The following LRRK1 variants were observed in gnomAD, a reference collection of about 807,000 sequenced individuals.
LRRK1 encodes the protein leucine-rich repeat serine/threonine-protein kinase 1.
A neutral mutation model predicts 209.1 loss-of-function variants in LRRK1; 113 were observed. The observed-to-expected ratio is 0.54, with a 90% CI of 0.46 to 0.63. LRRK1 has a LOEUF of 0.63. Ranked by LOEUF, LRRK1 falls within the 30% of genes least tolerant of loss-of-function variation. LRRK1 has a pLI of 0.00. For synonymous variants in LRRK1, 1,144 were observed against 1,099.7 expected, an observed-to-expected ratio of 1.04 and a Z score of -0.80; for missense variants, 2,284 against 2,632.2, an observed-to-expected ratio of 0.87 and a Z score of 2.89.
At chr15:100,955,942 T>C (rs1464506061) in intron 2 of LRRK1, among the ~76,000 whole-genome samples, 1 of 152,196 alleles carries the variant, frequency 6.6e-6, no homozygotes, top group African/African-American at 2.4e-5. Flanking sequence ...TATTGGTCTG[T>C]AATTTTCTTT....
chr15:100,923,455 C>T (rs1339205718), intron 1 of LRRK1, among the ~76,000 whole-genome samples: 1 of 152,236 alleles, frequency 6.6e-6, no homozygotes, highest in Non-Finnish European at 1.5e-5. Context: ...TCTGAGAGAA[C>T]ACAGACAAGA....
rs2036952114 is a variant in LRRK1, at chr15:101,075,498, C to T, written c.*6650C>T. The stretch of plus-strand genomic sequence containing the variant: ...TGCACCCCTTACCATCTCATCGAAA[C>T]CTAATCACCCTTACCCCGCTCAACA... On this transcript the variant is annotated 3_prime_UTR_variant, in exon 34 of 34. Coordinates refer to ENST00000388948, the MANE Select transcript of LRRK1 (RefSeq NM_024652.6). 8.3e-6 allele frequency: 1 copy of T among 120,726 alleles called. No homozygotes were observed. 7.5% of individuals were successfully genotyped at this position (120,726 alleles called of 1,614,324 possible). A position where few individuals can be genotyped will look rare whatever the true frequency, so the allele number is the denominator to read the frequency against.
rs1016455051 is a variant in LRRK1, at chr15:101,073,619, C to T, written c.*4771C>T. ...ACCTCTTATCTCTGTGCCCCAATCCCTTATTTCCATGCCCCCACCTCTTAT... is the reference window on the plus strand; with the variant it reads ...ACCTCTTATCTCTGTGCCCCAATCCTTTATTTCCATGCCCCCACCTCTTAT... On this transcript the variant is annotated 3_prime_UTR_variant, in exon 34 of 34. Transcript: ENST00000388948. 2 of 152,168 alleles carry T rather than the reference C, an allele frequency of 1.3e-5. No homozygotes were observed. The highest frequency in any genetic ancestry group is 2.9e-5 in the Non-Finnish European group (2 of 68,044). 9.4% of individuals were successfully genotyped at this position (152,168 alleles called of 1,614,324 possible).
intron 2 of LRRK1, among the ~76,000 whole-genome samples, chr15:100,944,216 G>C (rs192563645): frequency 1.3e-5 from 2 of 152,274 alleles, no homozygotes; most frequent in African/African-American, 4.8e-5. Flanking sequence ...TTCAGCCAGA[G>C]CTTGTACTAA....
chr15:100,998,953 ACCT>A (rs1467427136), intron 6 of LRRK1, among the ~76,000 whole-genome samples: 4 of 152,102 alleles, frequency 2.6e-5, no homozygotes, highest in Non-Finnish European at 5.9e-5. Context: ...GTATGCAGTA[ACCT>A]CCTTTCTGTT....
At chr15:101,047,673 T>C (rs1020313447) in intron 21 of LRRK1, among the ~76,000 whole-genome samples, 1 of 152,234 alleles carries the variant, frequency 6.6e-6, no homozygotes, top group Admixed American at 6.5e-5. Context: ...AGCAAAAAGC[T>C]GAGCCGTAAT....
chr15:101,053,491 G>A (rs917347123), intron 26 of LRRK1, 71 bp downstream of exon 26: 2 of 1,364,510 alleles, frequency 1.5e-6, no homozygotes, highest in African/African-American at 2.9e-5. Flanking sequence ...CCTGGCACGG[G>A]GGGTAGAGCC....
chr15:101,022,680 A>T lies in LRRK1; in HGVS notation c.2067+83A>T. 1 of 1,031,710 alleles carries T rather than the reference A, an allele frequency of 9.7e-7. No homozygotes were observed. The allele number at this position is 1,031,710 out of a possible 1,614,324, so 63.9% of individuals were successfully genotyped here. ...CTTCTCCCTTCTCCCCAGAGAGCCC[A>T]GGATTTTCTCAGCCTGGTGTCCAAA... On this transcript the variant is annotated intron_variant, in intron 15 of 33. Transcript: ENST00000388948. This position sits in a 1 kb window ranked among gnomAD's most constrained non-coding sequence, Gnocchi z 4.0.
At chr15:100,924,801 A>G in intron 2 of LRRK1, 72 bp downstream of exon 2, 7 of 1,130,190 alleles carry the variant, frequency 6.2e-6, no homozygotes, top group Non-Finnish European at 8.0e-6. Flanking sequence ...TGTCTAGGCT[A>G]TGTAAGAACA....
chr15:101,014,054 G>T lies in LRRK1; in HGVS notation c.1420-262G>T, dbSNP rs1214639847. Among the ~76,000 whole-genome samples, 3 of 152,228 alleles carry T rather than the reference G, an allele frequency of 2.0e-5. No individual in the cohort carries two copies. The East Asian group carries it at 5.8e-4, about 29-fold the overall frequency. The stretch of plus-strand genomic sequence containing the variant: ...ATCCTTAATGCTGACAGCTGCTTGG[G>T]CTCCTTTCACTCTAGAATAATTGCC... On this transcript the variant is annotated intron_variant, in intron 10 of 33. Coordinates refer to ENST00000388948, the MANE Select transcript of LRRK1 (RefSeq NM_024652.6).
intron 6 of LRRK1, among the ~76,000 whole-genome samples, chr15:101,003,453 A>G (rs977993913): frequency 2.6e-5 from 4 of 152,226 alleles, no homozygotes; most frequent in Admixed American, 1.3e-4. Flanking sequence ...TGATAAAAAC[A>G]TACTTGAGAC....
At chr15:100,978,792 A>G (rs945040909) in intron 3 of LRRK1, among the ~76,000 whole-genome samples, 1 of 152,220 alleles carries the variant, frequency 6.6e-6, no homozygotes, top group Non-Finnish European at 1.5e-5. Flanking sequence ...ACAGGTTCAG[A>G]TGGCTTCACT....
At chr15:101,045,730 G>A (rs967975464) in intron 20 of LRRK1, among the ~76,000 whole-genome samples, 1 of 152,148 alleles carries the variant, frequency 6.6e-6, no homozygotes, top group African/African-American at 2.4e-5. Context: ...CCTTATTCTA[G>A]TATCTTAGAA....
Position 100,935,072 on chromosome 15 carries a change from C to A in LRRK1, c.97+10343C>A, listed in dbSNP as rs545686959. On this transcript the variant is annotated intron_variant, in intron 2 of 33. Coordinates refer to ENST00000388948, the MANE Select transcript of LRRK1 (RefSeq NM_024652.6). ...CCTCTTGTGCCTGGTCTTAGTCCTA[C>A]ACTCCAGGCTATGTCAGAGCCTGCT... Among the ~76,000 whole-genome samples, 4 of 152,294 alleles carry A rather than the reference C, an allele frequency of 2.6e-5. No individual in the cohort carries two copies. In the South Asian group the frequency reaches 8.3e-4, roughly 32 times the overall value.
At chr15:101,011,944 C>T in intron 9 of LRRK1, 64 bp from the exon 10 acceptor site, 2 of 1,201,512 alleles carry the variant, frequency 1.7e-6, no homozygotes, top group Non-Finnish European at 2.4e-6. Flanking sequence ...GAAACAGTCT[C>T]AAAGGCACCA....
intron 20 of LRRK1, among the ~76,000 whole-genome samples, chr15:101,042,112 T>C (rs7162006): frequency 0.99 from 151,515 of 152,356 alleles, 75,346 homozygotes; most frequent in Middle Eastern, 1. Flanking sequence ...AAAATGTTGA[T>C]TGTTTCTGGT....
chr15:101,028,402 T>C (rs1334409610), intron 19 of LRRK1, among the ~76,000 whole-genome samples: 1 of 152,236 alleles, frequency 6.6e-6, no homozygotes, highest in Non-Finnish European at 1.5e-5. Context: ...CATCGCAGCC[T>C]TCTCACGCTT....
intron 6 of LRRK1, among the ~76,000 whole-genome samples, chr15:101,005,256 T>C (rs1018040106): frequency 6.6e-6 from 1 of 152,228 alleles, no homozygotes; most frequent in Non-Finnish European, 1.5e-5. Context: ...GTCAGCCTGT[T>C]GCTGGGCTGA....
At chr15:101,068,579 C>G in intron 33 of LRRK1, 92 bp from the exon 34 acceptor site, 6 of 1,371,156 alleles carry the variant, frequency 4.4e-6, no homozygotes, top group Non-Finnish European at 4.0e-6. Context: ...CCTTAGCCAG[C>G]TCCGCCTTCC....
Sources: gnomAD v4.1 joint callset for allele counts (sites outside exome capture counted in the v4.1 genomes callset) on GRCh38, gnomAD v4.1.1 for gene constraint, Gnocchi (gnomAD v3.1) non-coding constraint, MANE v1.5 for transcripts, NCBI Gene and HGNC (gene_info 2026-07-23, HGNC 2026-07-21) for gene names.